ZBTB20: variants seen among roughly 807,000 people sequenced by gnomAD.
ZBTB20 encodes zinc finger and BTB domain containing 20.
Under a neutral mutation model 56.9 loss-of-function variants are expected in ZBTB20, and 9 were observed. That is an observed-to-expected ratio of 0.16 (90% confidence interval 0.10 to 0.28). The LOEUF is 0.28. Ranked by LOEUF, ZBTB20 falls within the 10% of genes least tolerant of loss-of-function variation. The probability of loss-of-function intolerance (pLI) is 1.00; values close to 1 mark genes in which losing one functional copy is unlikely to be tolerated. For synonymous variants in ZBTB20, 417 were observed against 420.7 expected (o/e 0.99, Z 0.11); for missense variants, 655 against 1,003.0 (o/e 0.65, Z 4.69).
intron 3 of ZBTB20, among the ~76,000 whole-genome samples, chr3:114,925,206 T>A (rs1227506924): frequency 6.6e-6 from 1 of 151,904 alleles, no homozygotes. Context: ...ATGGTCTCGA[T>A]CTCTTGACCC....
At chr3:114,799,026 A>T (rs1432340717) in intron 5 of ZBTB20, among the ~76,000 whole-genome samples, 1 of 151,922 alleles carries the variant, frequency 6.6e-6, no homozygotes, top group African/African-American at 2.4e-5. Flanking sequence ...AATGGTTCTG[A>T]GTTCTAAAGA....
chr3:114,787,366 T>TACACACACACACAC (rs1553821499), intron 5 of ZBTB20, among the ~76,000 whole-genome samples: 6 of 82,896 alleles, frequency 7.2e-5, no homozygotes, highest in African/African-American at 3.2e-4. Flanking sequence ...TATATATATA[T>TACACACACACACAC]ATACACACAC....
chr3:114,448,170 C>G (rs1401939903), intron 7 of ZBTB20, among the ~76,000 whole-genome samples: 1 of 152,084 alleles, frequency 6.6e-6, no homozygotes, highest in Non-Finnish European at 1.5e-5. Context: ...CTCTTCTGGC[C>G]TCTCCCCGGC....
At chr3:114,540,068 T>C (rs531305648) in intron 6 of ZBTB20, among the ~76,000 whole-genome samples, 78 of 152,156 alleles carry the variant, frequency 5.1e-4, no homozygotes, top group Non-Finnish European at 9.9e-4. Context: ...CCTCCCATAC[T>C]CCATGCTCCG....
intron 10 of ZBTB20, among the ~76,000 whole-genome samples, chr3:114,367,414 C>T (rs1003597971): frequency 6.6e-6 from 1 of 152,096 alleles, no homozygotes; most frequent in Non-Finnish European, 1.5e-5. Flanking sequence ...TACAAGTGCA[C>T]ACCACTATGC....
chr3:114,417,498 A>C (rs1021339015), intron 7 of ZBTB20, among the ~76,000 whole-genome samples: 2 of 151,910 alleles, frequency 1.3e-5, no homozygotes, highest in East Asian at 3.9e-4. Context: ...TTGGCAAAAG[A>C]AAGTGCTTTA....
intron 5 of ZBTB20, among the ~76,000 whole-genome samples, chr3:114,712,529 T>A (rs976813337): frequency 1.8e-4 from 28 of 151,752 alleles, no homozygotes; most frequent in African/African-American, 6.1e-4. Context: ...GGCGCATGCC[T>A]GTAATCCCAG....
intron 7 of ZBTB20, among the ~76,000 whole-genome samples, chr3:114,449,711 A>G (rs2091483860): frequency 6.6e-6 from 1 of 150,836 alleles, no homozygotes; most frequent in Non-Finnish European, 1.5e-5. Flanking sequence ...AAGGTTGCAC[A>G]AAAGATACAT....
intron 4 of ZBTB20, among the ~76,000 whole-genome samples, chr3:114,876,839 A>T (rs149875238): frequency 6.6e-6 from 1 of 152,310 alleles, no homozygotes; most frequent in Non-Finnish European, 1.5e-5. Flanking sequence ...TGATACCCAT[A>T]GATTGGAAAT....
chr3:114,696,006 A>T (rs2062990128), intron 5 of ZBTB20, among the ~76,000 whole-genome samples: 1 of 152,116 alleles, frequency 6.6e-6, no homozygotes, highest in African/African-American at 2.4e-5. Flanking sequence ...GATAAAATAC[A>T]TTAAATATAT....
At chr3:115,108,028 C>A (rs2083773854) in intron 1 of ZBTB20, among the ~76,000 whole-genome samples, 1 of 151,972 alleles carries the variant, frequency 6.6e-6, no homozygotes. Flanking sequence ...GGACAAATAG[C>A]TAATGCATGT....
At chr3:114,465,620 T>C (rs575934365) in intron 7 of ZBTB20, among the ~76,000 whole-genome samples, 76 of 151,252 alleles carry the variant, frequency 5.0e-4, no homozygotes, top group Non-Finnish European at 8.8e-4. Flanking sequence ...GGCAGGAGAA[T>C]CGCTTGAACC....
intron 6 of ZBTB20, among the ~76,000 whole-genome samples, chr3:114,594,426 C>T (rs9871354): frequency 0.14 from 21,650 of 151,902 alleles, 1,806 homozygotes; most frequent in Admixed American, 0.25. Context: ...GTCACTACAC[C>T]GGGCTAATTT....
At chr3:114,362,457 C>T (rs944040515) in intron 10 of ZBTB20, among the ~76,000 whole-genome samples, 2 of 152,142 alleles carry the variant, frequency 1.3e-5, no homozygotes, top group Non-Finnish European at 2.9e-5. Context: ...AACCTCAGGG[C>T]GCACATTTAC....
chr3:114,708,112 C>G (rs1340201068), intron 5 of ZBTB20, among the ~76,000 whole-genome samples: 3 of 152,106 alleles, frequency 2.0e-5, no homozygotes, highest in Admixed American at 2.0e-4. Flanking sequence ...AATGCTTGTA[C>G]AGAACATGCA....
chr3:114,860,942 T>C (rs1199894078), intron 4 of ZBTB20, among the ~76,000 whole-genome samples: 1 of 152,184 alleles, frequency 6.6e-6, no homozygotes, highest in Non-Finnish European at 1.5e-5. Context: ...ACCCTACAGG[T>C]TGTATAAGGC....
chr3:115,127,411 G>A (rs932383462), intron 1 of ZBTB20, among the ~76,000 whole-genome samples: 3 of 152,026 alleles, frequency 2.0e-5, no homozygotes, highest in South Asian at 2.1e-4. Context: ...CCAACATGAC[G>A]AAACCATGTC....
At chr3:114,708,785 T>C (rs919203917) in intron 5 of ZBTB20, among the ~76,000 whole-genome samples, 1 of 152,308 alleles carries the variant, frequency 6.6e-6, no homozygotes, top group South Asian at 2.1e-4. Context: ...GAAGTGATAG[T>C]TGTGTACACA....
intron 9 of ZBTB20, 128 bp downstream of exon 9, chr3:114,380,649 T>G: frequency 7.4e-7 from 1 of 1,354,592 alleles, no homozygotes; most frequent in Non-Finnish European, 9.7e-7. Context: ...GTTGGCTGCA[T>G]AAAAAGACCC....
Sources: allele counts gnomAD v4.1 joint callset (sites outside exome capture counted in the v4.1 genomes callset), GRCh38; gene constraint gnomAD v4.1.1; transcripts MANE v1.5; gene names NCBI Gene and HGNC (gene_info 2026-07-23, HGNC 2026-07-21).